The following LYST variants were observed in gnomAD, a reference collection of about 807,000 sequenced individuals.
LYST encodes the protein lysosomal-trafficking regulator.
Under a neutral mutation model 413.6 loss-of-function variants are expected in LYST, and 192 were observed. The ratio of observed to expected loss-of-function variants is 0.46; its 90% CI spans 0.41 to 0.52. The LOEUF (loss-of-function observed/expected upper bound fraction) is 0.52, where lower values mean the gene tolerates loss of function less well. LYST is among the 20% of genes least tolerant of loss of function. The pLI is 0.00. For synonymous variants in LYST, 1,525 were observed against 1,567.3 expected, an observed-to-expected ratio of 0.97 and a Z score of 0.64; for missense variants, 3,815 against 4,499.9, an observed-to-expected ratio of 0.85 and a Z score of 4.35.
intron 1 of LYST, among the ~76,000 whole-genome samples, chr1:235,849,595 T>A (rs1318547197): frequency 6.6e-6 from 1 of 151,964 alleles, no homozygotes; most frequent in Non-Finnish European, 1.5e-5. Flanking sequence ...TTGCTGATGA[T>A]ATGATTGTTT....
intron 2 of LYST, among the ~76,000 whole-genome samples, chr1:235,830,933 C>G (rs148191682): frequency 9.1e-4 from 139 of 152,180 alleles, no homozygotes; most frequent in African/African-American, 3.3e-3. Flanking sequence ...GCTAAAGTTA[C>G]GCCACTTCAC....
chr1:235,695,629 A>ATTTTTTTTT (rs148101450), intron 46 of LYST, among the ~76,000 whole-genome samples: 3 of 116,418 alleles, frequency 2.6e-5, no homozygotes, highest in African/African-American at 1.0e-4. Flanking sequence ...CAGTACTCTA[A>ATTTTTTTTT]TTTTTTTTTT....
chr1:235,718,309 T>A (rs1258979297), intron 40 of LYST, among the ~76,000 whole-genome samples: 1 of 151,964 alleles, frequency 6.6e-6, no homozygotes. Flanking sequence ...AGGCCACACA[T>A]GTTGGTCTAT....
In LYST at chr1:235,683,633, G is replaced by C. The variant is rs540109540; in HGVS notation, c.10800+3316C>G. Among the ~76,000 whole-genome samples, 12 of 152,330 alleles carry C rather than the reference G, an allele frequency of 7.9e-5. No individual in the cohort carries two copies. In the South Asian group the frequency reaches 2.5e-3, roughly 32 times the overall value. ...GGAAGGCATTTCCTAAGATCCCCTTGAAAGTATTTTCAAACAAGGATTTGG... is the reference window on the plus strand; with the variant it reads ...GGAAGGCATTTCCTAAGATCCCCTTCAAAGTATTTTCAAACAAGGATTTGG... On this transcript the variant is annotated intron_variant, in intron 48 of 52. Transcript: ENST00000389793.
intron 1 of LYST, among the ~76,000 whole-genome samples, chr1:235,848,335 T>A (rs1395525364): frequency 1.3e-5 from 2 of 152,098 alleles, no homozygotes; most frequent in Admixed American, 1.3e-4. Flanking sequence ...TCGAACTGAA[T>A]GACAATAATG....
rs183882731 is a variant in LYST at position 235,740,470 on chromosome 1, C to A, written c.8358+952G>T. Among the ~76,000 whole-genome samples, 29 of 152,236 alleles carry A rather than the reference C, an allele frequency of 1.9e-4. No homozygotes were observed. The East Asian group carries it at 5.6e-3, about 29-fold the overall frequency. On this transcript the variant is annotated intron_variant, in intron 31 of 52. Transcript: ENST00000389793. ...CAACTACTGTCCTGAATTCTATCGT[C>A]ATATCTTGGTTTTGCTTGTTCCTTC...
At chr1:235,860,987 G>C (rs1679795945) in intron 1 of LYST, among the ~76,000 whole-genome samples, 1 of 151,764 alleles carries the variant, frequency 6.6e-6, no homozygotes, top group Non-Finnish European at 1.5e-5. Context: ...TTTTCGTGCT[G>C]TGTAATTATT....
Position 235,837,621 on chromosome 1 carries a change from T to C in LYST, c.-97-3954A>G, listed in dbSNP as rs552718126. Among the ~76,000 whole-genome samples the C allele has an allele frequency of 8.2e-3, 880 of 106,826 alleles. 11 individuals are homozygous for C. Among genetic ancestry groups the C allele is most frequent in the African/African-American group, 0.055 (855 of 15,548 alleles). 70.1% of individuals were successfully genotyped at this position (106,826 alleles called of 152,430 possible). On this transcript the variant is annotated intron_variant, in intron 1 of 52. Coordinates refer to ENST00000389793, the MANE Select transcript of LYST (RefSeq NM_000081.4). ...CAGCCTGGGTAAGAGTGAGACCCTG[T>C]TTCAAAAAAAAAAAAAAAAGAATTC... is the stretch of plus-strand genomic sequence containing the variant.
At chr1:235,739,941 G>A (rs549495338) in intron 31 of LYST, among the ~76,000 whole-genome samples, 44 of 152,282 alleles carry the variant, frequency 2.9e-4, no homozygotes, top group African/African-American at 1.0e-3. Context: ...TGACAGACAC[G>A]AAGTAGTGGG....
intron 1 of LYST, among the ~76,000 whole-genome samples, chr1:235,847,485 AAAC>A (rs974471682): frequency 5.9e-5 from 9 of 152,290 alleles, no homozygotes; most frequent in Non-Finnish European, 1.0e-4. Context: ...AGCAAAAACA[AAAC>A]AACAACAAAC....
intron 12 of LYST, 90 bp from the exon 13 acceptor site, chr1:235,788,935 T>C (rs1445258613): frequency 8.2e-7 from 1 of 1,225,524 alleles, no homozygotes; most frequent in Admixed American, 1.8e-5. Flanking sequence ...AGCAAATTTG[T>C]TCATTTGTAG....
At chr1:235,698,047 T>C (rs1383447871) in intron 45 of LYST, among the ~76,000 whole-genome samples, 1 of 152,172 alleles carries the variant, frequency 6.6e-6, no homozygotes, top group East Asian at 1.9e-4. Context: ...AGAAAAGACA[T>C]GATGCCCTTT....
At position 235,730,990 on chromosome 1, in the gene LYST, T is replaced by A. The variant is rs1664330741; in HGVS notation, c.8947+42A>T. ...ATTATCTTTATCTAATGACCATAGT[T>A]CTCTGCTATATTTATATGTTGAGTC... On this transcript the variant is annotated intron_variant, in intron 35 of 52. Transcript: ENST00000389793. The A allele has an allele frequency of 1.9e-6, 3 of 1,608,428 alleles. No individual in the cohort carries two copies. In the South Asian group the frequency reaches 3.3e-5, roughly 18 times the overall value.
intron 44 of LYST, among the ~76,000 whole-genome samples, chr1:235,705,246 C>G (rs2103107705): frequency 6.6e-6 from 1 of 152,088 alleles, no homozygotes. Flanking sequence ...TTTGTTTTGC[C>G]CCATTAAATA....
intron 45 of LYST, among the ~76,000 whole-genome samples, chr1:235,701,457 G>A (rs1035564075): frequency 2.0e-5 from 3 of 151,828 alleles, no homozygotes; most frequent in Non-Finnish European, 2.9e-5. Context: ...GTGAAACCCC[G>A]TCTCTATTAA....
chr1:235,759,459 A>G lies in LYST; in HGVS notation c.6394T>C (p.Leu2132=). The G allele has an allele frequency of 1.2e-6, 2 of 1,614,074 alleles. No individual in the cohort carries two copies. The highest frequency in any genetic ancestry group is 1.7e-6 in the Non-Finnish European group (2 of 1,179,978). The change falls in exon 23 of 53, where the codon TTA becomes CTA. Residue 2132 remains leucine (L), a synonymous_variant. Coordinates refer to ENST00000389793, the MANE Select transcript of LYST (RefSeq NM_000081.4). ...TGSLGCSIDR[L]QNIADTYVAT... is the part of the protein sequence containing the mutation. ...ACATAAGTATCTGCAATATTTTGTA[A>G]CCTGTCGATACTACAACCCAAACTT...
chr1:235,737,916 A>ATAGGAAGCGTGTAGATCTCGGTG, intron 31 of LYST: 2 of 1,163,406 alleles, frequency 1.7e-6, no homozygotes, highest in Admixed American at 4.4e-5. Flanking sequence ...GCTGCCGACG[A>ATAGGAAGCGTGTAGATCTCGGTG]GTCTGGATCT....
intron 30 of LYST, among the ~76,000 whole-genome samples, chr1:235,742,276 G>C (rs954701019): frequency 6.6e-6 from 1 of 152,050 alleles, no homozygotes; most frequent in African/African-American, 2.4e-5. Flanking sequence ...ACAACATGGT[G>C]AAACGCTGTC....
At chr1:235,775,932 T>C (rs1669189081) in intron 17 of LYST, among the ~76,000 whole-genome samples, 1 of 152,102 alleles carries the variant, frequency 6.6e-6, no homozygotes. Context: ...GGTTTATAAG[T>C]TTTAGACTTA....
Sources: gnomAD v4.1 joint callset for allele counts (sites outside exome capture counted in the v4.1 genomes callset) on GRCh38, gnomAD v4.1.1 for gene constraint, MANE v1.5 for transcripts, NCBI Gene and HGNC (gene_info 2026-07-23, HGNC 2026-07-21) for gene names.